The following FHIT variants were observed in gnomAD, a reference collection of about 807,000 sequenced individuals.
FHIT encodes bis(5'-adenosyl)-triphosphatase.
In FHIT, 19 loss-of-function variants were observed where a neutral mutation model predicts 17.9. That is an observed-to-expected ratio of 1.06 (90% confidence interval 0.74 to 1.56). FHIT has a LOEUF of 1.56. Among genes scored for constraint, FHIT ranks in the 40% most tolerant of loss-of-function variants. The pLI, the probability that FHIT is intolerant of heterozygous loss-of-function variation, is 0.00. For missense variants in FHIT, 248 were observed against 189.2 expected (o/e 1.31, Z -1.82); for synonymous variants, 81 against 69.7 (o/e 1.16, Z -0.81).
At chr3:60,466,655 A>C (rs185738024) in intron 5 of FHIT, among the ~76,000 whole-genome samples, 2 of 152,046 alleles carry the variant, frequency 1.3e-5, no homozygotes, top group African/African-American at 4.8e-5. Flanking sequence ...CCTTGTGTTC[A>C]TATGATGTAT....
At chr3:60,040,297 C>T (rs1701384529) in intron 5 of FHIT, among the ~76,000 whole-genome samples, 1 of 152,046 alleles carries the variant, frequency 6.6e-6, no homozygotes, top group South Asian at 2.1e-4. Context: ...AGGCATGTAC[C>T]ACCATGCCCA....
intron 4 of FHIT, among the ~76,000 whole-genome samples, chr3:60,747,231 G>C (rs1577155348): frequency 6.6e-6 from 1 of 152,002 alleles, no homozygotes; most frequent in Non-Finnish European, 1.5e-5. Flanking sequence ...TCTCTGCCTG[G>C]AATTGTCTAA....
intron 3 of FHIT, among the ~76,000 whole-genome samples, chr3:60,926,348 C>T (rs1173508249): frequency 6.6e-6 from 1 of 152,168 alleles, no homozygotes; most frequent in African/African-American, 2.4e-5. Context: ...GAAATTATAA[C>T]AAACTATCTC....
At chr3:60,432,140 T>A (rs1702934003) in intron 5 of FHIT, among the ~76,000 whole-genome samples, 2 of 152,168 alleles carry the variant, frequency 1.3e-5, no homozygotes, top group African/African-American at 2.4e-5. Flanking sequence ...CATGCCCAGC[T>A]AATTTTTGTA....
intron 5 of FHIT, among the ~76,000 whole-genome samples, chr3:60,042,039 A>G (rs1701460405): frequency 6.6e-6 from 1 of 152,218 alleles, no homozygotes; most frequent in Non-Finnish European, 1.5e-5. Flanking sequence ...CCGCCTTTCC[A>G]CAGAACACTC....
chr3:59,966,917 T>G (rs2107366749), intron 7 of FHIT, among the ~76,000 whole-genome samples: 1 of 152,334 alleles, frequency 6.6e-6, no homozygotes, highest in South Asian at 2.1e-4. Flanking sequence ...AACTTTAATT[T>G]TCTTAACTTT....
At chr3:61,233,296 A>AT (rs144235039) in intron 1 of FHIT, among the ~76,000 whole-genome samples, 11,364 of 152,184 alleles carry the variant, frequency 0.075, 1,109 homozygotes, top group East Asian at 0.4. Flanking sequence ...AGTTAAGAAA[A>AT]TTTTTTTAAT....
At chr3:60,342,983 G>A (rs1710602191) in intron 5 of FHIT, among the ~76,000 whole-genome samples, 1 of 152,104 alleles carries the variant, frequency 6.6e-6, no homozygotes, top group Non-Finnish European at 1.5e-5. Flanking sequence ...ATGAAGACAG[G>A]ACTGATGTCC....
chr3:60,907,931 A>C (rs1706521996), intron 3 of FHIT, among the ~76,000 whole-genome samples: 1 of 152,210 alleles, frequency 6.6e-6, no homozygotes, highest in Non-Finnish European at 1.5e-5. Context: ...ATAGAAGTAA[A>C]ATAACTTGCC....
chr3:60,067,737 C>T (rs749982984), intron 5 of FHIT, among the ~76,000 whole-genome samples: 7 of 152,148 alleles, frequency 4.6e-5, no homozygotes, highest in Admixed American at 6.5e-5. Context: ...AATTTCCACG[C>T]GACAGCCCCA....
intron 5 of FHIT, among the ~76,000 whole-genome samples, chr3:60,312,702 A>C (rs1343832839): frequency 6.6e-6 from 1 of 152,152 alleles, no homozygotes. Context: ...TGATTAAAAA[A>C]CACTGCATCT....
At chr3:60,053,952 T>G (rs1701984387) in intron 5 of FHIT, among the ~76,000 whole-genome samples, 1 of 152,168 alleles carries the variant, frequency 6.6e-6, no homozygotes, top group Non-Finnish European at 1.5e-5. Context: ...CTACTCAGAG[T>G]ATGCTTCAAA....
chr3:59,752,471 A>T (rs1209653260), intron 8 of FHIT, 150 bp from the exon 9 acceptor site: 1 of 593,806 alleles, frequency 1.7e-6, no homozygotes, highest in Non-Finnish European at 3.0e-6. Flanking sequence ...ACAACTTGCA[A>T]ATAGGCTTTA....
intron 4 of FHIT, among the ~76,000 whole-genome samples, chr3:60,603,597 TA>T (rs2038513380): frequency 6.6e-6 from 1 of 152,126 alleles, no homozygotes; most frequent in African/African-American, 2.4e-5. Flanking sequence ...AAGTCACTTG[TA>T]AAAATATACA....
intron 8 of FHIT, among the ~76,000 whole-genome samples, chr3:59,773,895 T>C (rs748388619): frequency 6.6e-6 from 1 of 152,200 alleles, no homozygotes; most frequent in Non-Finnish European, 1.5e-5. Flanking sequence ...GTAAAGTACA[T>C]ACCAGATTTA....
chr3:60,201,247 T>G (rs567208585), intron 5 of FHIT, among the ~76,000 whole-genome samples: 1 of 152,270 alleles, frequency 6.6e-6, no homozygotes, highest in South Asian at 2.1e-4. Context: ...TGGCTCCCAA[T>G]GGTATCTTAT....
At chr3:60,150,407 A>G (rs377689761) in intron 5 of FHIT, among the ~76,000 whole-genome samples, 1 of 152,184 alleles carries the variant, frequency 6.6e-6, no homozygotes, top group African/African-American at 2.4e-5. Context: ...GGGATATGGC[A>G]ATGATCTCAC....
intron 8 of FHIT, among the ~76,000 whole-genome samples, chr3:59,863,567 C>T (rs1051001885): frequency 6.6e-6 from 1 of 152,136 alleles, no homozygotes; most frequent in African/African-American, 2.4e-5. Context: ...AGCCAGAGAC[C>T]ATGCATGATT....
intron 7 of FHIT, among the ~76,000 whole-genome samples, chr3:60,001,551 C>T (rs1316152689): frequency 1.3e-5 from 2 of 152,058 alleles, no homozygotes; most frequent in Admixed American, 6.6e-5. Context: ...GAGATCAGAG[C>T]GATTCAGAAC....
Sources: allele counts gnomAD v4.1 joint callset (sites outside exome capture counted in the v4.1 genomes callset), GRCh38; gene constraint gnomAD v4.1.1; transcripts MANE v1.5; gene names NCBI Gene and HGNC (gene_info 2026-07-23, HGNC 2026-07-21).